Variants in CRBN observed in about 807,000 individuals in gnomAD.
The protein encoded by CRBN is protein cereblon.
Under a neutral mutation model 62.2 loss-of-function variants are expected in CRBN, and 53 were observed. The observed-to-expected ratio is 0.85, with a 90% CI of 0.68 to 1.07. The LOEUF (loss-of-function observed/expected upper bound fraction) is 1.07, where lower values mean the gene tolerates loss of function less well. Ranked by LOEUF, CRBN falls within the 50% of genes least tolerant of loss-of-function variation. CRBN has a pLI of 0.00. For missense variants in CRBN, 616 were observed against 531.1 expected, an observed-to-expected ratio of 1.16 and a Z score of -1.57; for synonymous variants, 208 against 176.1, an observed-to-expected ratio of 1.18 and a Z score of -1.43.
intron 5 of CRBN, among the ~76,000 whole-genome samples, chr3:3,159,378 CAGTT>C (rs1707043817): frequency 6.6e-6 from 1 of 152,128 alleles, no homozygotes; most frequent in Admixed American, 6.5e-5. Context: ...ACTCCTCATT[CAGTT>C]ATTAAAATAT....
At chr3:3,167,548 C>G in intron 5 of CRBN, 86 bp downstream of exon 5, 1 of 1,337,174 alleles carries the variant, frequency 7.5e-7, no homozygotes, top group Non-Finnish European at 1.1e-6. Context: ...GGTAATGAAT[C>G]ATGAAAGTTG....
Position 3,174,090 on chromosome 3 carries a change from T to A in CRBN, c.346A>T (p.Lys116Ter). Residue 116 changes from lysine to a stop codon, truncating the protein, a stop_gained, in exon 3 of 11, where the codon AAA becomes TAA. Transcript: ENST00000231948. LOFTEE classifies it high-confidence loss of function. Reference sequence around the variant, plus strand: ...GCAAGAACAGCAAAGGTTCTATCTTTCTGAATTAAATTCCGCACCATACTG... The same window carrying A: ...GCAAGAACAGCAAAGGTTCTATCTTACTGAATTAAATTCCGCACCATACTG... ...EVSMVRNLIQ[K>*]DRTFAVLAYS... The A allele has an allele frequency of 2.5e-6, 4 of 1,614,194 alleles. No individual in the cohort carries two copies. The highest frequency in any genetic ancestry group is 3.4e-6 in the Non-Finnish European group (4 of 1,180,036).
intron 1 of CRBN, 97 bp from the exon 2 acceptor site, chr3:3,175,366 C>A: frequency 2.2e-6 from 2 of 899,844 alleles, no homozygotes; most frequent in Non-Finnish European, 3.6e-6. Flanking sequence ...TCTAAAACCA[C>A]ATGCATTTGG....
rs114393731 is a variant in CRBN, at chr3:3,165,977, A to C, written c.687+1657T>G. On this transcript the variant is annotated intron_variant, in intron 5 of 10. Coordinates refer to ENST00000231948, the MANE Select transcript of CRBN (RefSeq NM_016302.4). ...ACTGACAGTGATCACTGACATACTTATTTCAACAGTAACATTTAAAATGAC... is the reference window on the plus strand; with the variant it reads ...ACTGACAGTGATCACTGACATACTTCTTTCAACAGTAACATTTAAAATGAC... Among the ~76,000 whole-genome samples the C allele has an allele frequency of 1.8e-3, 269 of 152,290 alleles. 2 individuals are homozygous for C. Among genetic ancestry groups the C allele is most frequent in the African/African-American group, 6.1e-3 (253 of 41,566 alleles).
intron 10 of CRBN, among the ~76,000 whole-genome samples, chr3:3,151,966 A>G (rs1706588791): frequency 6.6e-6 from 1 of 152,324 alleles, no homozygotes; most frequent in East Asian, 1.9e-4. Flanking sequence ...CTACTGGGTC[A>G]TAAGACAGCT....
At chr3:3,153,238 T>A in intron 9 of CRBN, 186 bp downstream of exon 9, 1 of 552,912 alleles carries the variant, frequency 1.8e-6, no homozygotes, top group Non-Finnish European at 3.3e-6. Flanking sequence ...ATCCCTGACA[T>A]GCATTGTTGC....
intron 1 of CRBN, among the ~76,000 whole-genome samples, chr3:3,176,594 G>A (rs781763592): frequency 1.8e-4 from 28 of 152,122 alleles, no homozygotes; most frequent in Non-Finnish European, 3.7e-4. Context: ...AAGTTAGCCG[G>A]GTGTGGTTGT....
chr3:3,152,435 C>G (rs553862033), intron 10 of CRBN, 21 bp downstream of exon 10: 20 of 1,589,298 alleles, frequency 1.3e-5, no homozygotes, highest in Non-Finnish European at 1.7e-5. Context: ...AAAAAAAAAG[C>G]AACCACCACC....
intron 4 of CRBN, among the ~76,000 whole-genome samples, chr3:3,169,576 G>A (rs1372343049): frequency 3.3e-5 from 5 of 152,058 alleles, no homozygotes; most frequent in Admixed American, 1.3e-4. Flanking sequence ...TATAAACTGT[G>A]GATAATGTAC....
chr3:3,172,441 C>A, intron 4 of CRBN: 1 of 317,470 alleles, frequency 3.1e-6, no homozygotes, highest in Non-Finnish European at 6.0e-6. Context: ...GAAGCCAAAT[C>A]CCAAACAACA....
At chr3:3,154,389 A>G (rs1706785717) in intron 7 of CRBN, 1 of 442,606 alleles carries the variant, frequency 2.3e-6, no homozygotes. Context: ...TAAAGAGAGT[A>G]TCTATAATTA....
chr3:3,179,497 G>A (rs1351663098), intron 1 of CRBN, 124 bp downstream of exon 1: 12 of 864,614 alleles, frequency 1.4e-5, no homozygotes, highest in Middle Eastern at 2.4e-4. Context: ...TTTCCGGTGC[G>A]GCCCTGCTGG....
chr3:3,158,119 T>C (rs992384344), intron 5 of CRBN, among the ~76,000 whole-genome samples: 45 of 152,160 alleles, frequency 3.0e-4, no homozygotes, highest in Non-Finnish European at 1.5e-5. Flanking sequence ...GGAAAACAGT[T>C]TTTCCAAAGA....
rs780760252 is a variant in CRBN, at chr3:3,151,978, A to AT, written c.1148+477dup. 1.7e-3 allele frequency among the ~76,000 whole-genome samples: 266 copies of AT among 152,264 alleles called. 1 individual carries two copies. The highest frequency in any genetic ancestry group is 3.1e-3 in the Non-Finnish European group (213 of 68,022). On this transcript the variant is annotated intron_variant, in intron 10 of 10. Coordinates refer to ENST00000231948, the MANE Select transcript of CRBN (RefSeq NM_016302.4). ...GTTCTACTGGGTCATAAGACAGCTG[A>AT]TTTTCAGAATTACATGACTGACAGA...
At position 3,178,249 on chromosome 3, in the gene CRBN, T is replaced by G. The variant is rs570342783; in HGVS notation, c.67+1372A>C. ...CTGGCACACTTACCCTTGTGTCAAC[T>G]CAGCTAGAATGGCTTCGAGAACAAC... On this transcript the variant is annotated intron_variant, in intron 1 of 10. Transcript: ENST00000231948. Among the ~76,000 whole-genome samples the G allele has an allele frequency of 3.3e-5, 5 of 152,322 alleles. No individual in the cohort carries two copies. In the South Asian group the frequency reaches 1.0e-3, roughly 32 times the overall value.
intron 5 of CRBN, among the ~76,000 whole-genome samples, chr3:3,157,377 A>C (rs956956716): frequency 7.2e-5 from 11 of 152,190 alleles, no homozygotes; most frequent in African/African-American, 2.7e-4. Flanking sequence ...CACTGTAAAT[A>C]AAATGTTAAT....
chr3:3,155,109 T>C, intron 6 of CRBN: 1 of 455,128 alleles, frequency 2.2e-6, no homozygotes, highest in Non-Finnish European at 4.0e-6. Context: ...TGCCCCTGCT[T>C]GGAACTGGCC....
chr3:3,169,166 G>GTC (rs1373620276), intron 4 of CRBN, among the ~76,000 whole-genome samples: 2 of 152,152 alleles, frequency 1.3e-5, no homozygotes, highest in African/African-American at 4.8e-5. Context: ...ATGTTAATTA[G>GTC]TCTGCAGTAC....
intron 5 of CRBN, among the ~76,000 whole-genome samples, chr3:3,161,333 G>C (rs933579171): frequency 5.9e-5 from 9 of 152,108 alleles, no homozygotes; most frequent in African/African-American, 1.9e-4. Flanking sequence ...CTTGCTCTCA[G>C]AGAAATTCAA....
Sources: allele counts gnomAD v4.1 joint callset (sites outside exome capture counted in the v4.1 genomes callset), GRCh38; gene constraint gnomAD v4.1.1; transcripts MANE v1.5; gene names NCBI Gene and HGNC (gene_info 2026-07-23, HGNC 2026-07-21).